STAT5B: variants seen among roughly 807,000 people sequenced by gnomAD.
STAT5B encodes signal transducer and activator of transcription 5B.
STAT5B carries 21 observed loss-of-function variants against 107.8 expected under a neutral mutation model. The observed-to-expected ratio is 0.19, with a 90% CI of 0.14 to 0.28. The LOEUF (loss-of-function observed/expected upper bound fraction) is 0.28, where lower values mean the gene tolerates loss of function less well. STAT5B is among the 10% of genes least tolerant of loss of function. STAT5B has a pLI of 1.00. For synonymous variants in STAT5B, 325 were observed against 401.7 expected (o/e 0.81, Z 2.28); for missense variants, 565 against 1,008.2 (o/e 0.56, Z 5.95).
chr17:42,201,892 G>A (rs1335113804), intron 18 of STAT5B, 28 bp from the exon 19 acceptor site: 1 of 1,611,518 alleles, frequency 6.2e-7, no homozygotes, highest in Non-Finnish European at 8.5e-7. Context: ...AGGGATGAAG[G>A]GAAGGGGAAA....
chr17:42,263,959 T>C (rs933449213), intron 1 of STAT5B, among the ~76,000 whole-genome samples: 6 of 152,072 alleles, frequency 3.9e-5, no homozygotes, highest in Non-Finnish European at 5.9e-5. Flanking sequence ...CCTGTTCTTT[T>C]TTCCAGGCAC....
upstream of STAT5B, among the ~76,000 whole-genome samples, chr17:42,281,088 C>T (rs143858533): frequency 0.045 from 6,850 of 151,162 alleles, 476 homozygotes; most frequent in African/African-American, 0.16. Flanking sequence ...GAGCAGAGAT[C>T]GCGCCACTGC....
chr17:42,239,824 C>T (rs1255867491), intron 1 of STAT5B, among the ~76,000 whole-genome samples: 1 of 152,166 alleles, frequency 6.6e-6, no homozygotes, highest in African/African-American at 2.4e-5. Flanking sequence ...AAACATGTGT[C>T]CCCAGAAAGT....
At chr17:42,210,865 TG>T (rs1011214066) in intron 13 of STAT5B, among the ~76,000 whole-genome samples, 3 of 151,856 alleles carry the variant, frequency 2.0e-5, no homozygotes, top group Non-Finnish European at 4.4e-5. Context: ...TAAAACACCT[TG>T]GGGGTGGGGG....
chr17:42,277,818 C>T (rs1013785259), upstream of STAT5B, among the ~76,000 whole-genome samples: 5 of 147,778 alleles, frequency 3.4e-5, no homozygotes, highest in East Asian at 4.0e-4. Context: ...TGAAATGGTG[C>T]GGTCTCAGCT....
intron 9 of STAT5B, chr17:42,217,947 C>G: frequency 1.3e-6 from 1 of 793,274 alleles, no homozygotes; most frequent in South Asian, 1.8e-5. Flanking sequence ...CTCAGGTGAT[C>G]TGCCCACCTC....
chr17:42,225,992 T>C (rs1471758995), intron 3 of STAT5B, among the ~76,000 whole-genome samples: 1 of 152,218 alleles, frequency 6.6e-6, no homozygotes, highest in East Asian at 1.9e-4. Flanking sequence ...TGGAGTGCAA[T>C]GGCACGGTCT....
At chr17:42,238,494 A>G (rs191739532) in intron 1 of STAT5B, among the ~76,000 whole-genome samples, 1 of 127,214 alleles carries the variant, frequency 7.9e-6, no homozygotes, top group Non-Finnish European at 1.6e-5. Flanking sequence ...TCGTTCTGTC[A>G]CCCAGGCTGG....
At chr17:42,231,859 A>T (rs2080320011) in intron 2 of STAT5B, 141 bp downstream of exon 2, 2 of 1,317,220 alleles carry the variant, frequency 1.5e-6, no homozygotes, top group Middle Eastern at 2.3e-4. Flanking sequence ...AAGAAAAAAA[A>T]TTTTAAATAC....
At chr17:42,235,949 G>A (rs1210721451) in intron 1 of STAT5B, among the ~76,000 whole-genome samples, 1 of 152,166 alleles carries the variant, frequency 6.6e-6, no homozygotes, top group Non-Finnish European at 1.5e-5. Context: ...AAATACTGTG[G>A]TGATATACTA....
At position 42,242,459 on chromosome 17, in the gene STAT5B, C is replaced by T. The variant is rs375862779; in HGVS notation, c.-10-10322G>A. ...TAAATCTGGCGGACAATGCCTTAAC[C>T]GAGTGATCAAACATCCCCAATCATG... On this transcript the variant is annotated intron_variant, in intron 1 of 18. Transcript: ENST00000293328. 1.8e-4 allele frequency among the ~76,000 whole-genome samples: 27 copies of T among 152,210 alleles called. No individual in the cohort carries two copies. The East Asian group carries it at 2.9e-3, about 16-fold the overall frequency.
intron 1 of STAT5B, among the ~76,000 whole-genome samples, chr17:42,243,195 A>G (rs1230893076): frequency 6.6e-6 from 1 of 152,036 alleles, no homozygotes; most frequent in Non-Finnish European, 1.5e-5. Flanking sequence ...AAATAAAAAA[A>G]AAATATAAAA....
At chr17:42,221,971 GGT>G (rs1208430068) in intron 5 of STAT5B, among the ~76,000 whole-genome samples, 3 of 143,952 alleles carry the variant, frequency 2.1e-5, no homozygotes, top group Non-Finnish European at 4.6e-5. Flanking sequence ...TGCTATGTGT[GGT>G]GTGTGTGTGC....
chr17:42,217,113 A>C (rs1598301842), intron 11 of STAT5B, 47 bp downstream of exon 11: 1 of 1,514,632 alleles, frequency 6.6e-7, no homozygotes, highest in African/African-American at 1.4e-5. Context: ...AAAGTACACC[A>C]CACACACACA....
At chr17:42,228,538 T>C (rs1160093620) in intron 2 of STAT5B, among the ~76,000 whole-genome samples, 1 of 152,234 alleles carries the variant, frequency 6.6e-6, no homozygotes, top group Admixed American at 6.5e-5. Flanking sequence ...TGACTGGGTC[T>C]GGAGCCAAAC....
intron 1 of STAT5B, among the ~76,000 whole-genome samples, chr17:42,251,659 G>A (rs2080500781): frequency 6.6e-6 from 1 of 151,714 alleles, no homozygotes; most frequent in African/African-American, 2.4e-5. Context: ...TTGGAGACAA[G>A]GTATACATGA....
chr17:42,253,202 A>G (rs1001423174), intron 1 of STAT5B, among the ~76,000 whole-genome samples: 1 of 152,188 alleles, frequency 6.6e-6, no homozygotes, highest in Non-Finnish European at 1.5e-5. Context: ...ATAATTCAGT[A>G]AACACAGCCA....
chr17:42,272,642 T>C (rs2080730689), intron 1 of STAT5B: 1 of 152,122 alleles, frequency 6.6e-6, no homozygotes, highest in Non-Finnish European at 1.5e-5. Context: ...ACAAACCACA[T>C]GGCATCTGAT....
chr17:42,226,491 C>T (rs2080273063), intron 3 of STAT5B, among the ~76,000 whole-genome samples: 1 of 151,986 alleles, frequency 6.6e-6, no homozygotes, highest in Non-Finnish European at 1.5e-5. Flanking sequence ...TATAACCATG[C>T]AAGACAAGGT....
Sources: gnomAD v4.1 joint callset for allele counts (sites outside exome capture counted in the v4.1 genomes callset) on GRCh38, gnomAD v4.1.1 for gene constraint, MANE v1.5 for transcripts, NCBI Gene and HGNC (gene_info 2026-07-23, HGNC 2026-07-21) for gene names.